MSRA: variants seen among roughly 807,000 people sequenced by gnomAD.
MSRA encodes the protein methionine sulfoxide reductase A.
A neutral mutation model predicts 31.3 loss-of-function variants in MSRA; 54 were observed. That is an observed-to-expected ratio of 1.73 (90% CI 1.39 to 2.17). The LOEUF (loss-of-function observed/expected upper bound fraction) is 2.17. MSRA is among the 30% of genes most tolerant of loss of function. MSRA has a pLI of 0.00. For missense variants in MSRA, 507 were observed against 300.9 expected (o/e 1.69, Z -5.07); for synonymous variants, 169 against 116.5 (o/e 1.45, Z -2.90).
chr8:10,289,652 A>G (rs757979442), intron 3 of MSRA, among the ~76,000 whole-genome samples: 9 of 152,186 alleles, frequency 5.9e-5, no homozygotes, highest in Admixed American at 4.6e-4. Context: ...GTTTTTGAAG[A>G]ATATGAAAAC....
intron 2 of MSRA, among the ~76,000 whole-genome samples, chr8:10,240,096 G>T (rs952657709): frequency 6.6e-6 from 1 of 152,182 alleles, no homozygotes; most frequent in Non-Finnish European, 1.5e-5. Flanking sequence ...ACAGAAGTTG[G>T]CCAAGACCCT....
At chr8:10,061,457 C>T (rs1802719445) in intron 1 of MSRA, among the ~76,000 whole-genome samples, 1 of 152,086 alleles carries the variant, frequency 6.6e-6, no homozygotes, top group Non-Finnish European at 1.5e-5. Context: ...GGACAAATAG[C>T]TATGTACTAC....
intron 1 of MSRA, among the ~76,000 whole-genome samples, chr8:10,059,909 A>G (rs77971581): frequency 3.0e-4 from 46 of 152,338 alleles, no homozygotes; most frequent in African/African-American, 1.1e-3. Context: ...GAGAATGCAA[A>G]TACCATTTTT....
At chr8:10,124,001 G>T (rs922128758) in intron 1 of MSRA, among the ~76,000 whole-genome samples, 1 of 151,926 alleles carries the variant, frequency 6.6e-6, no homozygotes, top group African/African-American at 2.4e-5. Context: ...GACAGTAGAA[G>T]TTCTGGGAGG....
chr8:10,419,451 C>T (rs778736673), intron 5 of MSRA, among the ~76,000 whole-genome samples: 3 of 152,116 alleles, frequency 2.0e-5, no homozygotes. Context: ...AGTAAGGTCC[C>T]TAACTGCTTT....
At chr8:10,198,417 T>TATGA (rs1808184919) in intron 1 of MSRA, among the ~76,000 whole-genome samples, 5 of 152,194 alleles carry the variant, frequency 3.3e-5, no homozygotes, top group Non-Finnish European at 7.3e-5. Context: ...ACTTTAAAAG[T>TATGA]TACCATATAA....
chr8:10,072,733 C>G (rs1394290595), intron 1 of MSRA, among the ~76,000 whole-genome samples: 1 of 152,216 alleles, frequency 6.6e-6, no homozygotes, highest in Non-Finnish European at 1.5e-5. Flanking sequence ...ATGAGCACAG[C>G]ATGTCTTTCC....
chr8:10,278,379 C>T (rs948988102), intron 3 of MSRA, among the ~76,000 whole-genome samples: 6 of 152,252 alleles, frequency 3.9e-5, no homozygotes, highest in African/African-American at 4.8e-5. Flanking sequence ...TACCGTGGCT[C>T]GCACATGCAC....
At chr8:10,151,798 A>G (rs1395372297) in intron 1 of MSRA, among the ~76,000 whole-genome samples, 1 of 152,200 alleles carries the variant, frequency 6.6e-6, no homozygotes, top group Non-Finnish European at 1.5e-5. Flanking sequence ...GAACCTGCCA[A>G]TCTTATTTCT....
At position 10,170,042 on chromosome 8, in the gene MSRA, ATTTTTTTTT is replaced by A. The variant is rs59946635; in HGVS notation, c.143-37776_143-37768del. 4.4e-3 allele frequency among the ~76,000 whole-genome samples: 397 copies of A among 90,370 alleles called. 2 individuals carry two copies. Among genetic ancestry groups the A allele is most frequent in the African/African-American group, 0.016 (367 of 23,574 alleles). 59.3% of individuals were successfully genotyped at this position (90,370 alleles called of 152,430 possible). On this transcript the variant is annotated intron_variant, in intron 1 of 5. Coordinates refer to ENST00000317173, the MANE Select transcript of MSRA (RefSeq NM_012331.5). ...GTGTCTACCACTACGCCTGGCTAATATTTTTTTTTTTTTTTTTTTTTTTAAGTAGAGACA... is the reference window on the plus strand; with the variant it reads ...GTGTCTACCACTACGCCTGGCTAATATTTTTTTTTTTTTTAAGTAGAGACA...
intron 1 of MSRA, among the ~76,000 whole-genome samples, chr8:10,126,238 C>G (rs187744056): frequency 6.6e-6 from 1 of 152,176 alleles, no homozygotes; most frequent in African/African-American, 2.4e-5. Flanking sequence ...AGATGATGGG[C>G]AAAATGGATG....
chr8:10,152,907 A>G lies in MSRA; in HGVS notation c.143-54926A>G, dbSNP rs118127797. 4.1e-3 allele frequency among the ~76,000 whole-genome samples: 629 copies of G among 152,336 alleles called. 18 individuals carry two copies. The highest frequency in any genetic ancestry group is 0.033 in the Admixed American group (511 of 15,308). Reference sequence around the variant, plus strand: ...TGCTATGAGAAATCAGCCAGCCACAAACAGACACATACTATGTAATTCCAC... The same window carrying G: ...TGCTATGAGAAATCAGCCAGCCACAGACAGACACATACTATGTAATTCCAC... On this transcript the variant is annotated intron_variant, in intron 1 of 5. Transcript: ENST00000317173.
In MSRA at chr8:10,296,755, T is replaced by G. The variant is rs1036203689; in HGVS notation, c.332-4779T>G. On this transcript the variant is annotated intron_variant, in intron 3 of 5. Transcript: ENST00000317173. ...TGTGGGTCCCGAGGAAAGGCATGGC[T>G]CATTTGCCAGGGAGCTGTGGTGTGG... Among the ~76,000 whole-genome samples, 5 of 152,254 alleles carry G rather than the reference T, an allele frequency of 3.3e-5. No homozygotes were observed. The East Asian group carries it at 9.7e-4, about 29-fold the overall frequency.
chr8:10,132,567 GCTC>G (rs1801974515), intron 1 of MSRA, among the ~76,000 whole-genome samples: 1 of 152,192 alleles, frequency 6.6e-6, no homozygotes, highest in Non-Finnish European at 1.5e-5. Flanking sequence ...TCTGATGAGG[GCTC>G]TGCTTCCTGG....
At chr8:10,098,483 C>G (rs1799320760) in intron 1 of MSRA, among the ~76,000 whole-genome samples, 1 of 152,060 alleles carries the variant, frequency 6.6e-6, no homozygotes, top group East Asian at 1.9e-4. Flanking sequence ...TTATTGAGCA[C>G]TCACTTAAAT....
intron 3 of MSRA, among the ~76,000 whole-genome samples, chr8:10,253,092 A>T (rs1018041353): frequency 1.3e-5 from 2 of 152,198 alleles, no homozygotes; most frequent in African/African-American, 4.8e-5. Flanking sequence ...TATAGCTTCA[A>T]ATAACTGAAG....
chr8:10,256,679 A>C (rs142408312), intron 3 of MSRA, among the ~76,000 whole-genome samples: 2 of 152,312 alleles, frequency 1.3e-5, no homozygotes, highest in Non-Finnish European at 2.9e-5. Context: ...AACTTCCAAC[A>C]GTACTTTTCT....
intron 4 of MSRA, among the ~76,000 whole-genome samples, chr8:10,305,409 C>CTTTTTTTTTTTTTTTTTTTTT (rs549346544): frequency 2.4e-5 from 3 of 122,968 alleles, no homozygotes; most frequent in African/African-American, 3.0e-5. Context: ...TGTTTTCTTC[C>CTTTTTTTTTTTTTTTTTTTTT]TTTTTTTTTT....
At chr8:10,116,327 C>T (rs192620400) in intron 1 of MSRA, among the ~76,000 whole-genome samples, 14 of 152,308 alleles carry the variant, frequency 9.2e-5, no homozygotes, top group Non-Finnish European at 2.1e-4. Context: ...GTTCTTCTTC[C>T]AATATGGCGC....
Sources: gnomAD v4.1 joint callset for allele counts (sites outside exome capture counted in the v4.1 genomes callset) on GRCh38, gnomAD v4.1.1 for gene constraint, MANE v1.5 for transcripts, NCBI Gene and HGNC (gene_info 2026-07-23, HGNC 2026-07-21) for gene names.